SYNDIG1L: variants seen among roughly 807,000 people sequenced by gnomAD.
SYNDIG1L encodes the protein synapse differentiation inducing 1 like, also known as synapse differentiation-inducing gene protein 1-like.
Under a neutral mutation model 20.1 loss-of-function variants are expected in SYNDIG1L, and 13 were observed. The observed-to-expected ratio is 0.65, with a 90% confidence interval of 0.42 to 1.03. SYNDIG1L has a LOEUF of 1.03. SYNDIG1L is among the 50% of genes least tolerant of loss of function. The probability of loss-of-function intolerance (pLI) is 0.00; values close to 1 mark genes in which losing one functional copy is unlikely to be tolerated. For synonymous variants in SYNDIG1L, 128 were observed against 129.3 expected, an observed-to-expected ratio of 0.99 and a Z score of 0.07; for missense variants, 294 against 305.1, an observed-to-expected ratio of 0.96 and a Z score of 0.27.
chr14:74,480,048 C>A, the SYNDIG1L span: 1 of 1,499,984 alleles, frequency 6.7e-7, no homozygotes, highest in South Asian at 1.3e-5. Context: ...ATCTGCTAAC[C>A]AAGTGCTGCA....
chr14:74,439,716 C>T, the SYNDIG1L span, among the ~76,000 whole-genome samples: 1 of 151,678 alleles, frequency 6.6e-6, no homozygotes, highest in African/African-American at 2.4e-5. Flanking sequence ...CCCGTCTCTA[C>T]TAAAAATACA....
chr14:74,471,305 T>A, the SYNDIG1L span, among the ~76,000 whole-genome samples: 1 of 151,922 alleles, frequency 6.6e-6, no homozygotes, highest in Non-Finnish European at 1.5e-5. Flanking sequence ...GATAATAAAG[T>A]CTAATTAACA....
chr14:74,476,055 GTTAC>G, the SYNDIG1L span: 2 of 198,018 alleles, frequency 1.0e-5, no homozygotes, highest in Non-Finnish European at 2.1e-5. Context: ...TAATGTGAGA[GTTAC>G]TTTGATTGCA....
chr14:74,424,890 G>A (rs1211495841), intron 1 of SYNDIG1L, among the ~76,000 whole-genome samples: 2 of 152,152 alleles, frequency 1.3e-5, no homozygotes, highest in South Asian at 2.1e-4. Context: ...CCACTCCAGG[G>A]GTGAGGAGGA....
rs1387419345 is a variant in SYNDIG1L at position 74,407,502 on chromosome 14, G to T, written c.*33C>A. ...CAAGCCCCACTGCTTCCTCAGGTGG[G>T]CAGGGGAGTCAGGATGCAGGCCCTA... is the stretch of plus-strand genomic sequence containing the variant. On this transcript the variant is annotated 3_prime_UTR_variant, in exon 4 of 4. Transcript: ENST00000331628. The T allele has an allele frequency of 1.9e-6, 3 of 1,611,976 alleles. No individual in the cohort carries two copies. The highest frequency in any genetic ancestry group is 1.7e-4 in the Middle Eastern group (1 of 6,048).
At chr14:74,449,436 T>TCCAAAAAAA in the SYNDIG1L span, among the ~76,000 whole-genome samples, 1 of 8,256 alleles carries the variant, frequency 1.2e-4, no homozygotes, top group African/African-American at 4.0e-4. Flanking sequence ...ATCCTGTCTT[T>TCCAAAAAAA]ACAAAAAAAA....
the SYNDIG1L span, among the ~76,000 whole-genome samples, chr14:74,459,443 G>A: frequency 6.6e-6 from 1 of 152,204 alleles, no homozygotes; most frequent in African/African-American, 2.4e-5. Flanking sequence ...GGCGGAGGTT[G>A]CAGTGAGTCC....
At chr14:74,430,752 G>A (rs1240333337), upstream of SYNDIG1L, among the ~76,000 whole-genome samples, 1 of 150,020 alleles carries the variant, frequency 6.7e-6, no homozygotes, top group African/African-American at 2.5e-5. Flanking sequence ...CTTTATATTT[G>A]CTTGCACACT....
the SYNDIG1L span, among the ~76,000 whole-genome samples, chr14:74,459,089 C>A: frequency 5.1e-4 from 78 of 152,236 alleles, no homozygotes; most frequent in Non-Finnish European, 8.7e-4. Context: ...CAGCAGCATG[C>A]ACCCAGCAGG....
the SYNDIG1L span, among the ~76,000 whole-genome samples, chr14:74,455,066 C>T: frequency 6.6e-6 from 1 of 152,218 alleles, no homozygotes; most frequent in African/African-American, 2.4e-5. Flanking sequence ...TGAGGTTTCC[C>T]TGAGAAAGAA....
rs186608628 is a variant in SYNDIG1L at position 74,406,770 on chromosome 14, G to T, written c.*765C>A. On this transcript the variant is annotated 3_prime_UTR_variant, in exon 4 of 4. Coordinates refer to ENST00000331628, the MANE Select transcript of SYNDIG1L (RefSeq NM_001105579.2). ...GAAAAGGATGATAGGGGCGGGGAGT[G>T]GGGGGAGAGTAGGAAGAGTCATGTA... 144 of 152,094 alleles carry T rather than the reference G, an allele frequency of 9.5e-4. No individual in the cohort carries two copies. Among genetic ancestry groups the T allele is most frequent in the African/African-American group, 2.5e-3 (104 of 41,548 alleles). 9.4% of individuals were successfully genotyped at this position (152,094 alleles called of 1,614,324 possible).
chr14:74,442,347 C>T, the SYNDIG1L span, among the ~76,000 whole-genome samples: 1 of 152,100 alleles, frequency 6.6e-6, no homozygotes, highest in African/African-American at 2.4e-5. Flanking sequence ...TTCCGAGGAA[C>T]CTGATGTTCT....
chr14:74,436,061 G>T, the SYNDIG1L span, among the ~76,000 whole-genome samples: 8 of 152,246 alleles, frequency 5.3e-5, no homozygotes, highest in Non-Finnish European at 1.2e-4. Flanking sequence ...AGGTTCTGGG[G>T]ATACAAAGAG....
chr14:74,409,048 TTTTATTTATTTATTTA>T (rs10642138), intron 2 of SYNDIG1L, among the ~76,000 whole-genome samples: 5 of 139,750 alleles, frequency 3.6e-5, no homozygotes, highest in Admixed American at 2.9e-4. Context: ...GGAACTTGCA[TTTTATTTATTTATTTA>T]TTTATTTATT....
At chr14:74,443,580 G>C in the SYNDIG1L span, among the ~76,000 whole-genome samples, 1 of 152,210 alleles carries the variant, frequency 6.6e-6, no homozygotes, top group African/African-American at 2.4e-5. Context: ...TTAGGATGGT[G>C]CTTTACCCAG....
the SYNDIG1L span, among the ~76,000 whole-genome samples, chr14:74,454,739 C>T: frequency 1.6e-4 from 25 of 152,232 alleles, no homozygotes; most frequent in African/African-American, 6.0e-4. Context: ...TTCAGCTGTT[C>T]TCCCCCGGGG....
At chr14:74,414,704 C>A (rs769354412) in intron 1 of SYNDIG1L, among the ~76,000 whole-genome samples, 11 of 152,188 alleles carry the variant, frequency 7.2e-5, no homozygotes, top group Non-Finnish European at 1.3e-4. Flanking sequence ...GAATAACTTA[C>A]ACTTACTGAG....
intron 1 of SYNDIG1L, among the ~76,000 whole-genome samples, chr14:74,420,300 G>A (rs2086211231): frequency 6.6e-6 from 1 of 151,094 alleles, no homozygotes; most frequent in Non-Finnish European, 1.5e-5. Context: ...GGAGGCTGAG[G>A]CAGGAGAATC....
rs1296954759 is a variant in SYNDIG1L at position 74,407,983 on chromosome 14, C to A, written c.424G>T (p.Ala142Ser). The change falls in exon 3 of 4, where the codon GCC (alanine) becomes TCC (serine). Residue 142 changes from alanine to serine, a missense_variant. Physicochemically the swap from Ala to Ser is moderately conservative, Grantham distance 99. Coordinates refer to ENST00000331628, the MANE Select transcript of SYNDIG1L (RefSeq NM_001105579.2). ...TCACTTTCACTCTCCGTTGAAGTGG[C>A]ATCGCTCTGCAAAACAGTGGAGTTT... ...EDDQEEEESD[A>S]TSTESESEDN... is the part of the protein sequence containing the mutation. 2 of 1,608,650 alleles carry A rather than the reference C, an allele frequency of 1.2e-6. No homozygotes were observed. Among genetic ancestry groups the A allele is most frequent in the Admixed American group, 1.7e-5 (1 of 59,496 alleles).
Sources: gnomAD v4.1 joint callset for allele counts (sites outside exome capture counted in the v4.1 genomes callset) on GRCh38, gnomAD v4.1.1 for gene constraint, MANE v1.5 for transcripts, NCBI Gene and HGNC (gene_info 2026-07-23, HGNC 2026-07-21) for gene names.